The following PLCL1 variants were observed in gnomAD, a reference collection of about 807,000 sequenced individuals.
PLCL1 encodes phospholipase C like 1 (inactive).
PLCL1 carries 41 observed loss-of-function variants against 84.4 expected under a neutral mutation model. The observed-to-expected ratio is 0.49, with a 90% confidence interval of 0.38 to 0.63. The LOEUF (loss-of-function observed/expected upper bound fraction) is 0.63. Ranked by LOEUF, PLCL1 falls within the 30% of genes least tolerant of loss-of-function variation. PLCL1 has a pLI of 0.00. For missense variants in PLCL1, 1,206 were observed against 1,367.8 expected, an observed-to-expected ratio of 0.88 and a Z score of 1.87; for synonymous variants, 490 against 488.3, an observed-to-expected ratio of 1.00 and a Z score of -0.05.
chr2:197,922,428 G>C (rs866249446), intron 1 of PLCL1, among the ~76,000 whole-genome samples: 2 of 107,014 alleles, frequency 1.9e-5, no homozygotes, highest in East Asian at 3.5e-4. Flanking sequence ...ACACAGACAC[G>C]GCAACCATCC....
intron 1 of PLCL1, among the ~76,000 whole-genome samples, chr2:198,041,109 A>G (rs1236091149): frequency 2.0e-5 from 3 of 152,170 alleles, no homozygotes; most frequent in African/African-American, 7.2e-5. Context: ...CCTCATATAG[A>G]TCAGCATCTC....
At chr2:197,808,746 A>G (rs149605587) in intron 1 of PLCL1, among the ~76,000 whole-genome samples, 97 of 152,368 alleles carry the variant, frequency 6.4e-4, no homozygotes, top group African/African-American at 2.3e-3. Flanking sequence ...TAGCTTATTT[A>G]CTATATTAGT....
At chr2:198,037,163 T>A (rs764821294) in intron 1 of PLCL1, among the ~76,000 whole-genome samples, 6 of 152,246 alleles carry the variant, frequency 3.9e-5, no homozygotes, top group Admixed American at 6.5e-5. Context: ...TTCATATTAA[T>A]AAGCCACTAG....
At chr2:198,007,265 A>C (rs1252259276) in intron 1 of PLCL1, among the ~76,000 whole-genome samples, 1 of 152,204 alleles carries the variant, frequency 6.6e-6, no homozygotes, top group Admixed American at 6.5e-5. Flanking sequence ...CATGATAAAA[A>C]ATAAAACTCA....
chr2:197,888,114 T>G (rs1687954102), intron 1 of PLCL1, among the ~76,000 whole-genome samples: 1 of 151,988 alleles, frequency 6.6e-6, no homozygotes. Flanking sequence ...AAAAATCTTA[T>G]TTTTACTAGC....
chr2:198,143,833 A>T (rs1485263486), intron 5 of PLCL1, among the ~76,000 whole-genome samples: 1 of 152,198 alleles, frequency 6.6e-6, no homozygotes, highest in Non-Finnish European at 1.5e-5. Context: ...TCATGTTTCA[A>T]TGTACACTCT....
In PLCL1 at chr2:198,088,845, T is replaced by G; in HGVS notation, c.2716-13T>G. 1 of 1,561,590 alleles carries G rather than the reference T, an allele frequency of 6.4e-7. No individual in the cohort carries two copies. The highest frequency in any genetic ancestry group is 8.8e-7 in the Non-Finnish European group (1 of 1,132,142). On this transcript the variant is annotated splice_polypyrimidine_tract_variant and intron_variant, in intron 2 of 5. Coordinates refer to ENST00000428675, the MANE Select transcript of PLCL1 (RefSeq NM_006226.4). ...GTGGTCAGAAGTGTGATTCCATGTT[T>G]TCTTCCTCACAGAATGCAATCGTGT...
intron 1 of PLCL1, among the ~76,000 whole-genome samples, chr2:197,935,851 A>T (rs1265373602): frequency 6.6e-6 from 1 of 152,168 alleles, no homozygotes; most frequent in African/African-American, 2.4e-5. Flanking sequence ...TAGATCTCCC[A>T]AACTTATTTA....
At chr2:198,045,681 A>C (rs1691769846) in intron 1 of PLCL1, among the ~76,000 whole-genome samples, 1 of 152,354 alleles carries the variant, frequency 6.6e-6, no homozygotes, top group East Asian at 1.9e-4. Context: ...ATGAATTTCA[A>C]CTGCCGGAAA....
intron 5 of PLCL1, among the ~76,000 whole-genome samples, chr2:198,109,618 A>G (rs1231485999): frequency 6.6e-6 from 1 of 151,900 alleles, no homozygotes; most frequent in Non-Finnish European, 1.5e-5. Context: ...CAAGATGTGG[A>G]ATTACACTAT....
intron 1 of PLCL1, among the ~76,000 whole-genome samples, chr2:198,072,574 T>C (rs1425699886): frequency 6.6e-6 from 1 of 152,048 alleles, no homozygotes; most frequent in African/African-American, 2.4e-5. Context: ...TTCATGAGAA[T>C]GCGTCTAAAT....
intron 1 of PLCL1, among the ~76,000 whole-genome samples, chr2:197,815,650 A>T (rs551634623): frequency 6.6e-6 from 1 of 152,158 alleles, no homozygotes; most frequent in Non-Finnish European, 1.5e-5. Flanking sequence ...CATTCCAGGT[A>T]CCATTAAGAA....
At chr2:198,111,247 C>T (rs1693614788) in intron 5 of PLCL1, among the ~76,000 whole-genome samples, 1 of 151,860 alleles carries the variant, frequency 6.6e-6, no homozygotes, top group Non-Finnish European at 1.5e-5. Flanking sequence ...CTCAGGAACA[C>T]AGGCTAATGG....
chr2:197,819,884 ATGTGTGTGTGTGTGTGTG>A (rs57885218), intron 1 of PLCL1, among the ~76,000 whole-genome samples: 1 of 140,570 alleles, frequency 7.1e-6, no homozygotes, highest in African/African-American at 2.6e-5. Context: ...ACTATTATGC[ATGTGTGTGTGTGTGTGTG>A]TGTGTGTGTG....
chr2:197,864,725 T>G (rs1311019809), intron 1 of PLCL1, among the ~76,000 whole-genome samples: 1 of 152,138 alleles, frequency 6.6e-6, no homozygotes, highest in Non-Finnish European at 1.5e-5. Context: ...CTGCCTGCCT[T>G]GGCCTCCCAA....
chr2:197,953,680 G>A (rs1689431523), intron 1 of PLCL1, among the ~76,000 whole-genome samples: 1 of 151,972 alleles, frequency 6.6e-6, no homozygotes, highest in African/African-American at 2.4e-5. Context: ...TAATATATCA[G>A]TAATGAACAT....
chr2:197,805,364 G>A lies in PLCL1; in HGVS notation c.240+25G>A. 1 of 1,337,112 alleles carries A rather than the reference G, an allele frequency of 7.5e-7. No homozygotes were observed. Among genetic ancestry groups the A allele is most frequent in the Non-Finnish European group, 9.5e-7 (1 of 1,049,684 alleles). The allele number at this position is 1,337,112 out of a possible 1,614,324, so 82.8% of individuals were successfully genotyped here. ...GGTAAGCAAAGCCGCGCCGCACCGG[G>A]AGCGTGGCTGTGGGTGATGGGTGGG... On this transcript the variant is annotated intron_variant, in intron 1 of 5. Transcript: ENST00000428675. This position sits in a 1 kb window ranked among gnomAD's most constrained non-coding sequence, Gnocchi z 4.0.
At chr2:198,044,984 C>A (rs1258474230) in intron 1 of PLCL1, among the ~76,000 whole-genome samples, 1 of 152,166 alleles carries the variant, frequency 6.6e-6, no homozygotes, top group East Asian at 1.9e-4. Flanking sequence ...GAAAGGCTGA[C>A]TAATCTGTGA....
intron 1 of PLCL1, among the ~76,000 whole-genome samples, chr2:198,018,692 C>T (rs112158729): frequency 6.6e-6 from 1 of 152,222 alleles, no homozygotes; most frequent in East Asian, 1.9e-4. Context: ...TTCCTCCTCT[C>T]TGGGCAGGGC....
Sources: allele counts gnomAD v4.1 joint callset (sites outside exome capture counted in the v4.1 genomes callset), GRCh38; gene constraint gnomAD v4.1.1; non-coding constraint Gnocchi (gnomAD v3.1); transcripts MANE v1.5; gene names NCBI Gene and HGNC (gene_info 2026-07-23, HGNC 2026-07-21).